Variants in TSPAN9 observed in about 807,000 individuals in gnomAD.
TSPAN9 encodes the protein tetraspanin 9.
Under a neutral mutation model 31.0 loss-of-function variants are expected in TSPAN9, and 16 were observed. The ratio of observed to expected loss-of-function variants is 0.52; its 90% CI spans 0.35 to 0.78. TSPAN9 has a LOEUF of 0.78. Among genes scored for constraint, TSPAN9 ranks in the 30% least tolerant of loss-of-function variants. The pLI is 0.01. For missense variants in TSPAN9, 272 were observed against 312.5 expected (o/e 0.87, Z 0.98); for synonymous variants, 145 against 121.6 (o/e 1.19, Z -1.27).
intron 3 of TSPAN9, among the ~76,000 whole-genome samples, chr12:3,223,910 G>T (rs2098385838): frequency 6.6e-6 from 1 of 152,122 alleles, no homozygotes; most frequent in Non-Finnish European, 1.5e-5. Context: ...GGGATGCTGG[G>T]TTCCATCTCC....
At chr12:3,156,421 A>G (rs965531034) in intron 2 of TSPAN9, among the ~76,000 whole-genome samples, 1 of 151,990 alleles carries the variant, frequency 6.6e-6, no homozygotes, top group Non-Finnish European at 1.5e-5. Context: ...TGATAGAGGC[A>G]TCTCCTGTCT....
intron 2 of TSPAN9, chr12:3,150,933 C>T (rs1047851662): frequency 1.3e-5 from 2 of 152,284 alleles, no homozygotes; most frequent in Non-Finnish European, 1.5e-5. Context: ...TTCCGCTCAA[C>T]GTTAAACTCT....
intron 1 of TSPAN9, among the ~76,000 whole-genome samples, chr12:3,077,889 G>A (rs1229886962): frequency 2.0e-5 from 3 of 152,156 alleles, no homozygotes; most frequent in African/African-American, 4.8e-5. Flanking sequence ...CCCGGCACCC[G>A]CGACCGCTCC....
At chr12:3,134,472 T>C (rs1481599467) in intron 2 of TSPAN9, among the ~76,000 whole-genome samples, 1 of 152,158 alleles carries the variant, frequency 6.6e-6, no homozygotes, top group African/African-American at 2.4e-5. Context: ...TAGGGGATGG[T>C]CAAGGCTGGA....
rs536069452 is a variant in TSPAN9 at position 3,215,765 on chromosome 12, CA to C, written c.63+14510del. Among the ~76,000 whole-genome samples the C allele has an allele frequency of 4.1e-3, 617 of 152,316 alleles. 3 individuals carry two copies. Among genetic ancestry groups the C allele is most frequent in the African/African-American group, 0.014 (574 of 41,570 alleles). On this transcript the variant is annotated intron_variant, in intron 3 of 8. Transcript: ENST00000011898. The stretch of plus-strand genomic sequence containing the variant: ...TCCAGCTGCCATTTGCTGCTCTCTC[CA>C]GGCTCCGTGGTGGGCCCGGCACAGC...
At chr12:3,121,424 A>G (rs1194025283) in intron 2 of TSPAN9, among the ~76,000 whole-genome samples, 3 of 135,926 alleles carry the variant, frequency 2.2e-5, no homozygotes, top group Non-Finnish European at 4.5e-5. Context: ...CAGTGGTGTG[A>G]TCACAGCTCA....
At chr12:3,118,840 T>C (rs919016328) in intron 2 of TSPAN9, among the ~76,000 whole-genome samples, 2 of 152,112 alleles carry the variant, frequency 1.3e-5, no homozygotes, top group Non-Finnish European at 2.9e-5. Flanking sequence ...TTTTCTTCCC[T>C]CCGGCCCCTC....
chr12:3,194,282 CAAG>C (rs1270564430), intron 2 of TSPAN9, among the ~76,000 whole-genome samples: 1 of 152,164 alleles, frequency 6.6e-6, no homozygotes, highest in Non-Finnish European at 1.5e-5. Flanking sequence ...AACAAAGGGC[CAAG>C]AAGGAGGGAG....
intron 3 of TSPAN9, among the ~76,000 whole-genome samples, chr12:3,252,483 C>A (rs984847278): frequency 1.3e-5 from 2 of 152,226 alleles, no homozygotes; most frequent in African/African-American, 4.8e-5. Context: ...CCCCCAGCCC[C>A]ATGCCCTTAT....
At chr12:3,188,436 C>T (rs1017602332) in intron 2 of TSPAN9, among the ~76,000 whole-genome samples, 1 of 152,098 alleles carries the variant, frequency 6.6e-6, no homozygotes, top group Admixed American at 6.5e-5. Context: ...ATGGGGGCTG[C>T]ACCAGGGTGC....
intron 3 of TSPAN9, among the ~76,000 whole-genome samples, chr12:3,234,647 A>G (rs2098392387): frequency 6.6e-6 from 1 of 152,200 alleles, no homozygotes; most frequent in South Asian, 2.1e-4. Context: ...ATTCTAGGCC[A>G]GGCCTGCAGT....
At chr12:3,238,309 G>A (rs762226762) in intron 3 of TSPAN9, among the ~76,000 whole-genome samples, 3 of 152,172 alleles carry the variant, frequency 2.0e-5, no homozygotes, top group Non-Finnish European at 4.4e-5. Flanking sequence ...GACCTGGCTG[G>A]CATGACAGGC....
chr12:3,126,695 G>A (rs1265044188), intron 2 of TSPAN9, among the ~76,000 whole-genome samples: 1 of 152,094 alleles, frequency 6.6e-6, no homozygotes, highest in Non-Finnish European at 1.5e-5. Flanking sequence ...GATCCCTTGA[G>A]CCCAGGAAAT....
At chr12:3,155,897 T>A (rs561540156) in intron 2 of TSPAN9, among the ~76,000 whole-genome samples, 1 of 152,310 alleles carries the variant, frequency 6.6e-6, no homozygotes. Flanking sequence ...GGAGTCTGTC[T>A]GAAGTGCTTT....
At chr12:3,212,301 A>G (rs994867461) in intron 3 of TSPAN9, among the ~76,000 whole-genome samples, 5 of 152,192 alleles carry the variant, frequency 3.3e-5, no homozygotes, top group Non-Finnish European at 7.3e-5. Flanking sequence ...GAATATGAAT[A>G]GTATTCTACT....
Position 3,286,104 on chromosome 12 carries a change from G to C in TSPAN9, c.*2988G>C, listed in dbSNP as rs908885408. 6.5e-6 allele frequency: 1 copy of C among 152,734 alleles called. No homozygotes were observed. The highest frequency in any genetic ancestry group is 2.4e-5 in the African/African-American group (1 of 41,468). The allele number at this position is 152,734 out of a possible 1,614,324, so 9.5% of individuals were successfully genotyped here. On this transcript the variant is annotated 3_prime_UTR_variant, in exon 9 of 9. Coordinates refer to ENST00000011898, the MANE Select transcript of TSPAN9 (RefSeq NM_006675.5). This position sits in a 1 kb window ranked among gnomAD's most constrained non-coding sequence, Gnocchi z 4.1. ...GGCCCAAGAGCAGTCTGGGTGGATGGAAGTGGCTGTCCCCTCCTCTCCAGC... is the reference window on the plus strand; with the variant it reads ...GGCCCAAGAGCAGTCTGGGTGGATGCAAGTGGCTGTCCCCTCCTCTCCAGC...
rs1353586732 is a variant in TSPAN9 at position 3,198,787 on chromosome 12, G to C, written c.-17-2390G>C. The stretch of plus-strand genomic sequence containing the variant: ...CCAGCACAGGCCACCACCAGCACAG[G>C]CCACCACCAGCACAGGTCACACCAG... On this transcript the variant is annotated intron_variant, in intron 2 of 8. Coordinates refer to ENST00000011898, the MANE Select transcript of TSPAN9 (RefSeq NM_006675.5). Among the ~76,000 whole-genome samples the C allele has an allele frequency of 6.2e-5, 5 of 80,516 alleles. 1 individual carries two copies. The highest frequency in any genetic ancestry group is 2.6e-4 in the African/African-American group (5 of 19,450). The allele number at this position is 80,516 out of a possible 152,430, so 52.8% of individuals were successfully genotyped here.
intron 3 of TSPAN9, among the ~76,000 whole-genome samples, chr12:3,241,820 A>G (rs2098396715): frequency 6.6e-6 from 1 of 152,132 alleles, no homozygotes. Flanking sequence ...TCAGTATAGA[A>G]TGGAATGCTG....
intron 3 of TSPAN9, among the ~76,000 whole-genome samples, chr12:3,235,822 G>C (rs572911033): frequency 4.6e-5 from 7 of 152,238 alleles, no homozygotes; most frequent in Non-Finnish European, 7.3e-5. Context: ...TTGCCTGTGT[G>C]GGGGGACAGC....
Sources: allele counts gnomAD v4.1 joint callset (sites outside exome capture counted in the v4.1 genomes callset), GRCh38; gene constraint gnomAD v4.1.1; non-coding constraint Gnocchi (gnomAD v3.1); transcripts MANE v1.5; gene names NCBI Gene and HGNC (gene_info 2026-07-23, HGNC 2026-07-21).